CLIC5: variants seen among roughly 807,000 people sequenced by gnomAD.
CLIC5 encodes the protein chloride intracellular channel protein 5.
A neutral mutation model predicts 24.7 loss-of-function variants in CLIC5; 20 were observed. That is an observed-to-expected ratio of 0.81 (90% CI 0.57 to 1.18). The LOEUF (loss-of-function observed/expected upper bound fraction) is 1.18, where lower values mean the gene tolerates loss of function less well. Among genes scored for constraint, CLIC5 ranks in the 50% most tolerant of loss-of-function variants. The pLI is 0.00. For synonymous variants in CLIC5, 159 were observed against 135.6 expected (o/e 1.17, Z -1.20); for missense variants, 341 against 326.1 (o/e 1.05, Z -0.35).
At position 46,027,381 on chromosome 6, in the gene CLIC5, G is replaced by A. The variant is rs141638647; in HGVS notation, c.540+52322C>T. On this transcript the variant is annotated intron_variant, in intron 1 of 5. Coordinates refer to the CLIC5 transcript ENST00000185206. ...TATGATGGCCCTTAGGTGGGACAAA[G>A]CATTTTATGCTGGAGGAGCTGAAGT... 2.9e-3 allele frequency among the ~76,000 whole-genome samples: 446 copies of A among 152,324 alleles called. 1 individual carries two copies. Among genetic ancestry groups the A allele is most frequent in the African/African-American group, 9.4e-3 (391 of 41,572 alleles).
intron 1 of CLIC5, chr6:46,079,640 A>G: frequency 7.2e-7 from 1 of 1,390,202 alleles, no homozygotes; most frequent in Non-Finnish European, 9.8e-7. Context: ...CATTCAGAGC[A>G]AAATAAAACA....
At chr6:45,954,268 G>T in intron 2 of CLIC5, among the ~76,000 whole-genome samples, 1 of 104,478 alleles carries the variant, frequency 9.6e-6, no homozygotes. Context: ...GTGAGACTCT[G>T]TCTCAAAAAA....
At chr6:46,126,894 G>C in the CLIC5 span, among the ~76,000 whole-genome samples, 2 of 152,134 alleles carry the variant, frequency 1.3e-5, no homozygotes, top group Non-Finnish European at 2.9e-5. Context: ...ACAATTAGGA[G>C]TATAAAAGAG....
At chr6:46,105,986 A>G in the CLIC5 span, among the ~76,000 whole-genome samples, 1 of 152,186 alleles carries the variant, frequency 6.6e-6, no homozygotes, top group Admixed American at 6.5e-5. Flanking sequence ...ATGGGAGATG[A>G]GCTTGTCAAA....
At chr6:45,985,309 C>T (rs1765697069) in intron 1 of CLIC5, among the ~76,000 whole-genome samples, 1 of 152,168 alleles carries the variant, frequency 6.6e-6, no homozygotes, top group East Asian at 1.9e-4. Flanking sequence ...ATTCTACCTT[C>T]AGGGTTTAAT....
At chr6:45,990,308 G>A (rs917744025) in intron 1 of CLIC5, among the ~76,000 whole-genome samples, 9 of 152,172 alleles carry the variant, frequency 5.9e-5, no homozygotes, top group African/African-American at 1.7e-4. Flanking sequence ...TCATGTTTAA[G>A]TCACTAGTTT....
At chr6:45,924,962 G>A (rs921904364) in intron 4 of CLIC5, among the ~76,000 whole-genome samples, 4 of 152,114 alleles carry the variant, frequency 2.6e-5, no homozygotes, top group African/African-American at 9.7e-5. Context: ...GTGATGTTTG[G>A]GGGTGGAGCA....
intron 1 of CLIC5, among the ~76,000 whole-genome samples, chr6:45,961,723 G>A (rs752511697): frequency 6.6e-5 from 10 of 152,008 alleles, no homozygotes; most frequent in Non-Finnish European, 1.3e-4. Context: ...GCAGGGATGG[G>A]ACTTGGTGGT....
At chr6:46,005,122 A>G (rs1231906398) in intron 1 of CLIC5, among the ~76,000 whole-genome samples, 1 of 152,228 alleles carries the variant, frequency 6.6e-6, no homozygotes. Context: ...TGTTGCCATG[A>G]CAATCTCCCA....
chr6:45,972,388 C>G (rs1293977053), intron 1 of CLIC5, among the ~76,000 whole-genome samples: 3 of 152,188 alleles, frequency 2.0e-5, no homozygotes, highest in African/African-American at 7.2e-5. Flanking sequence ...ATCCTGTCTT[C>G]TTTGTTAGTG....
intron 1 of CLIC5, among the ~76,000 whole-genome samples, chr6:45,968,687 A>G (rs950991212): frequency 2.0e-5 from 3 of 152,182 alleles, no homozygotes; most frequent in Non-Finnish European, 4.4e-5. Context: ...TTTTTAATTA[A>G]TTGGAGGCGG....
intron 1 of CLIC5, among the ~76,000 whole-genome samples, chr6:45,996,664 A>C: frequency 6.6e-6 from 1 of 152,186 alleles, no homozygotes; most frequent in Non-Finnish European, 1.5e-5. Context: ...CAGGAAAAAA[A>C]CAAACAACCC....
intron 1 of CLIC5, among the ~76,000 whole-genome samples, chr6:46,069,796 T>A (rs1762542152): frequency 6.6e-6 from 1 of 152,098 alleles, no homozygotes; most frequent in Non-Finnish European, 1.5e-5. Context: ...CCAATATCTA[T>A]GATGAACATT....
intron 1 of CLIC5, among the ~76,000 whole-genome samples, chr6:45,958,042 C>T (rs6922752): frequency 0.026 from 3,896 of 152,080 alleles, 160 homozygotes; most frequent in African/African-American, 0.083. Flanking sequence ...GGAATGTGTG[C>T]ATGGGACCTT....
Position 46,010,922 on chromosome 6 carries a change from C to T in CLIC5, c.63+4558G>A, listed in dbSNP as rs377214529. Among the ~76,000 whole-genome samples the T allele has an allele frequency of 7.2e-5, 11 of 152,268 alleles. No individual in the cohort carries two copies. The South Asian group carries it at 1.7e-3, about 23-fold the overall frequency. ...CCTAGTGAGCTCATGCTTAGGCAAG[C>T]GGCCCAAGGTGACCAGGCAGTCACA... On this transcript the variant is annotated intron_variant, in intron 1 of 5. Coordinates refer to ENST00000339561, the MANE Select transcript of CLIC5 (RefSeq NM_016929.5).
chr6:46,053,260 G>A (rs1297202777), intron 1 of CLIC5, among the ~76,000 whole-genome samples: 1 of 152,116 alleles, frequency 6.6e-6, no homozygotes, highest in Non-Finnish European at 1.5e-5. Context: ...TCCTGCCCCT[G>A]GAGCTGGGTG....
intron 1 of CLIC5, among the ~76,000 whole-genome samples, chr6:46,053,422 G>A (rs1447200662): frequency 1.3e-5 from 2 of 152,236 alleles, no homozygotes; most frequent in Non-Finnish European, 2.9e-5. Context: ...ATTGAGCCGT[G>A]CCCAGTTAAC....
chr6:46,087,511 G>A, the CLIC5 span, among the ~76,000 whole-genome samples: 6 of 151,792 alleles, frequency 4.0e-5, no homozygotes, highest in Middle Eastern at 3.2e-3. Context: ...TCTTACTTAG[G>A]TTGGGACCCA....
the CLIC5 span, among the ~76,000 whole-genome samples, chr6:46,094,938 T>C: frequency 1.3e-5 from 2 of 152,350 alleles, no homozygotes; most frequent in South Asian, 2.1e-4. Flanking sequence ...ATTCACACTT[T>C]TCCATAATTC....
Sources: gnomAD v4.1 joint callset for allele counts (sites outside exome capture counted in the v4.1 genomes callset) on GRCh38, gnomAD v4.1.1 for gene constraint, MANE v1.5 for transcripts, NCBI Gene and HGNC (gene_info 2026-07-23, HGNC 2026-07-21) for gene names.